The following PDE1C variants were observed in gnomAD, a reference collection of about 807,000 sequenced individuals.
PDE1C encodes the protein dual specificity calcium/calmodulin-dependent 3',5'-cyclic nucleotide phosphodiesterase 1C.
Under a neutral mutation model 93.1 loss-of-function variants are expected in PDE1C, and 62 were observed. The ratio of observed to expected loss-of-function variants is 0.67; its 90% confidence interval spans 0.54 to 0.82. PDE1C has a LOEUF of 0.82. Ranked by LOEUF, PDE1C falls within the 40% of genes least tolerant of loss-of-function variation. The pLI is 0.00. For missense variants in PDE1C, 742 were observed against 884.6 expected (o/e 0.84, Z 2.04); for synonymous variants, 325 against 310.1 (o/e 1.05, Z -0.50).
chr7:32,298,605 G>A, intron 1 of PDE1C: 3 of 1,560,720 alleles, frequency 1.9e-6, no homozygotes. Flanking sequence ...CACCGGAGAG[G>A]GCGTTTGCCC....
chr7:32,009,790 T>C (rs934961094), intron 2 of PDE1C, among the ~76,000 whole-genome samples: 1 of 152,182 alleles, frequency 6.6e-6, no homozygotes, highest in East Asian at 1.9e-4. Context: ...GAAAACCTCA[T>C]GGAATCTGCC....
chr7:32,374,610 A>G (rs1784404626), intron 1 of PDE1C, among the ~76,000 whole-genome samples: 1 of 152,106 alleles, frequency 6.6e-6, no homozygotes, highest in South Asian at 2.1e-4. Context: ...CAACCTTCTC[A>G]TCTTCCCACC....
chr7:32,298,087 G>T (rs1367997670), intron 1 of PDE1C, among the ~76,000 whole-genome samples: 1 of 119,264 alleles, frequency 8.4e-6, no homozygotes, highest in African/African-American at 3.1e-5. Context: ...GAATTCCCCG[G>T]TCTCTGTCTC....
At chr7:32,265,460 AG>A (rs1810506436) in intron 1 of PDE1C, among the ~76,000 whole-genome samples, 1 of 152,210 alleles carries the variant, frequency 6.6e-6, no homozygotes, top group South Asian at 2.1e-4. Context: ...TTCTCTTTTA[AG>A]GGCAATGTAA....
chr7:32,188,928 T>C (rs1185001986), intron 2 of PDE1C, among the ~76,000 whole-genome samples: 1 of 152,184 alleles, frequency 6.6e-6, no homozygotes, highest in Admixed American at 6.5e-5. Flanking sequence ...AGAATAAGAC[T>C]AACATTTGTA....
intron 14 of PDE1C, among the ~76,000 whole-genome samples, chr7:31,819,580 G>C (rs1788702096): frequency 1.3e-5 from 2 of 152,028 alleles, no homozygotes; most frequent in African/African-American, 4.8e-5. Context: ...TGTCTGTGGT[G>C]TTGGGACTTG....
intron 1 of PDE1C, among the ~76,000 whole-genome samples, chr7:32,275,687 G>A (rs78660137): frequency 7.9e-4 from 120 of 152,096 alleles, no homozygotes; most frequent in Non-Finnish European, 1.5e-3. Context: ...AGTCTTTCAG[G>A]TTGCACCTGC....
the PDE1C span, among the ~76,000 whole-genome samples, chr7:31,737,600 G>A: frequency 6.6e-6 from 1 of 151,938 alleles, no homozygotes; most frequent in Admixed American, 6.6e-5. Context: ...TCAGGAGTTC[G>A]AGACCAGCCT....
chr7:31,894,564 C>T (rs900271263), intron 2 of PDE1C, among the ~76,000 whole-genome samples: 1 of 152,222 alleles, frequency 6.6e-6, no homozygotes, highest in Non-Finnish European at 1.5e-5. Flanking sequence ...CTATTACTTG[C>T]TGTGGACCAG....
intron 1 of PDE1C, among the ~76,000 whole-genome samples, chr7:32,380,536 G>A (rs1025514965): frequency 2.0e-5 from 3 of 151,186 alleles, no homozygotes; most frequent in Non-Finnish European, 2.9e-5. Flanking sequence ...GTGAGCCACC[G>A]CACCCAGCCT....
chr7:32,120,648 C>T (rs535749688), intron 3 of PDE1C, among the ~76,000 whole-genome samples: 1 of 152,166 alleles, frequency 6.6e-6, no homozygotes, highest in Non-Finnish European at 1.5e-5. Flanking sequence ...GAAGCGCAAC[C>T]TGACCATTGA....
upstream of PDE1C, among the ~76,000 whole-genome samples, chr7:32,075,462 A>G (rs893910336): frequency 6.6e-6 from 1 of 152,090 alleles, no homozygotes; most frequent in African/African-American, 2.4e-5. Flanking sequence ...GTTCTCTCTC[A>G]CTGGCTTCCT....
At chr7:31,682,674 A>G in the PDE1C span, among the ~76,000 whole-genome samples, 29 of 152,208 alleles carry the variant, frequency 1.9e-4, no homozygotes, top group African/African-American at 7.0e-4. Context: ...GAAGTACACA[A>G]TTGTTCACAG....
chr7:31,994,120 G>A (rs754475663), intron 2 of PDE1C, among the ~76,000 whole-genome samples: 3 of 152,046 alleles, frequency 2.0e-5, no homozygotes, highest in Admixed American at 6.6e-5. Context: ...CAAGCCCAAG[G>A]AGAGCTGCAT....
At chr7:32,039,375 T>C (rs10265847) in intron 2 of PDE1C, among the ~76,000 whole-genome samples, 24,458 of 152,170 alleles carry the variant, frequency 0.16, 2,515 homozygotes, top group East Asian at 0.31. Flanking sequence ...ACAGTCCATA[T>C]TGCTCACATC....
In PDE1C at chr7:31,830,452, G is replaced by A. The variant is rs114671229; in HGVS notation, c.1204-2079C>T. ...AAATAAGTATCATTCCTGCAGTAGG[G>A]GTTAAGATAACTCCAACTGATAAAG... On this transcript the variant is annotated intron_variant, in intron 11 of 17. Coordinates refer to ENST00000396191, the MANE Select transcript of PDE1C (RefSeq NM_001191057.4). Among the ~76,000 whole-genome samples, 865 of 152,180 alleles carry A rather than the reference G, an allele frequency of 5.7e-3. 6 individuals are homozygous for A. The highest frequency in any genetic ancestry group is 0.02 in the African/African-American group (817 of 41,544).
intron 1 of PDE1C, among the ~76,000 whole-genome samples, chr7:32,374,160 G>A (rs923336857): frequency 5.1e-5 from 2 of 38,900 alleles, no homozygotes; most frequent in African/African-American, 2.6e-4. Flanking sequence ...AAGAAAGAAA[G>A]AGAAAGAAAG....
At chr7:32,384,313 T>C (rs1011560329) in intron 1 of PDE1C, among the ~76,000 whole-genome samples, 2 of 152,200 alleles carry the variant, frequency 1.3e-5, no homozygotes, top group African/African-American at 4.8e-5. Context: ...TCTCAGCAGC[T>C]TACATCCCAG....
At chr7:32,387,873 C>T (rs867082521) in intron 1 of PDE1C, among the ~76,000 whole-genome samples, 54 of 135,992 alleles carry the variant, frequency 4.0e-4, no homozygotes, top group African/African-American at 1.5e-3. Context: ...CCCCTCCCCC[C>T]TCCCGGACGG....
Sources: allele counts gnomAD v4.1 joint callset (sites outside exome capture counted in the v4.1 genomes callset), GRCh38; gene constraint gnomAD v4.1.1; transcripts MANE v1.5; gene names NCBI Gene and HGNC (gene_info 2026-07-23, HGNC 2026-07-21).